EFCAB10: variants seen among roughly 807,000 people sequenced by gnomAD.
EFCAB10 encodes the protein EF-hand calcium-binding domain-containing protein 10.
Under a neutral mutation model 7.7 loss-of-function variants are expected in EFCAB10, and 7 were observed. The ratio of observed to expected loss-of-function variants is 0.91; its 90% CI spans 0.52 to 1.72. EFCAB10 has a LOEUF of 1.72. Ranked by LOEUF, EFCAB10 falls within the 40% of genes most tolerant of loss-of-function variation. The probability of loss-of-function intolerance (pLI) is 0.00; values close to 1 mark genes in which losing one functional copy is unlikely to be tolerated. For synonymous variants in EFCAB10, 52 were observed against 21.0 expected (o/e 2.47, Z -4.03); for missense variants, 112 against 61.5 (o/e 1.82, Z -2.74).
intron 1 of EFCAB10, chr7:105,571,032 A>T (rs1791937647): frequency 6.6e-6 from 1 of 152,152 alleles, no homozygotes; most frequent in Admixed American, 6.5e-5. Flanking sequence ...TTCAAAAAAA[A>T]AAAAATTTTT....
In EFCAB10 at chr7:105,581,464, C is replaced by A. The variant is rs1243303647; in HGVS notation, c.-1G>T. The A allele has an allele frequency of 5.7e-6, 4 of 702,972 alleles. No homozygotes were observed. Among genetic ancestry groups the A allele is most frequent in the Non-Finnish European group, 1.0e-5 (4 of 384,984 alleles). 43.5% of individuals were successfully genotyped at this position (702,972 alleles called of 1,614,324 possible). ...GGAGCTCCCTGCTGCTGGTCTCCAT[C>A]GCTCCGCGTCCCGCTGTTGCTAGGC... On this transcript the variant is annotated 5_prime_UTR_variant, in exon 1 of 5. Coordinates refer to ENST00000480514, the MANE Select transcript of EFCAB10 (RefSeq NM_001355526.2).
chr7:105,565,696 G>C (rs368788049), intron 4 of EFCAB10: 17 of 1,254,026 alleles, frequency 1.4e-5, no homozygotes, highest in Non-Finnish European at 1.7e-5. Flanking sequence ...AATTGTTACA[G>C]GAGGCTAACT....
chr7:105,565,505 T>C (rs762292576), intron 4 of EFCAB10, 58 bp from the exon 5 acceptor site: 12 of 1,610,778 alleles, frequency 7.4e-6, no homozygotes, highest in Non-Finnish European at 8.5e-6. Context: ...AAGACAACTG[T>C]TATATGAATT....
At chr7:105,568,488 T>C (rs1274796978) in intron 3 of EFCAB10, among the ~76,000 whole-genome samples, 3 of 152,256 alleles carry the variant, frequency 2.0e-5, no homozygotes, top group African/African-American at 7.2e-5. Flanking sequence ...ACATTTACTT[T>C]GTGATAATTT....
chr7:105,574,070 G>A (rs1385447563), intron 1 of EFCAB10, among the ~76,000 whole-genome samples: 1 of 151,270 alleles, frequency 6.6e-6, no homozygotes, highest in African/African-American at 2.4e-5. Context: ...ACTGGGAAAT[G>A]GCAGCATAGC....
intron 2 of EFCAB10, 33 bp from the exon 3 acceptor site, chr7:105,569,323 T>A (rs1791876753): frequency 1.4e-6 from 1 of 694,642 alleles, no homozygotes; most frequent in Admixed American, 2.1e-5. Flanking sequence ...GAAGTGAGAA[T>A]TTTACAAAGT....
At chr7:105,576,597 C>A (rs1295965995) in intron 1 of EFCAB10, among the ~76,000 whole-genome samples, 1 of 152,150 alleles carries the variant, frequency 6.6e-6, no homozygotes, top group Non-Finnish European at 1.5e-5. Context: ...TGCCTCCCAC[C>A]ATGCTTGGCT....
intron 1 of EFCAB10, among the ~76,000 whole-genome samples, chr7:105,577,092 A>G (rs1792100526): frequency 1.3e-5 from 2 of 152,160 alleles, no homozygotes; most frequent in African/African-American, 4.8e-5. Context: ...CAGTTTTAAA[A>G]AAACAGCTAC....
chr7:105,574,116 ATG>A (rs992878334), intron 1 of EFCAB10, among the ~76,000 whole-genome samples: 1 of 14,614 alleles, frequency 6.8e-5, no homozygotes, highest in African/African-American at 1.3e-4. Context: ...CACACACACA[ATG>A]TGTGTGTATA....
At chr7:105,577,516 T>C (rs1022749443) in intron 1 of EFCAB10, among the ~76,000 whole-genome samples, 2 of 152,144 alleles carry the variant, frequency 1.3e-5, no homozygotes, top group Non-Finnish European at 2.9e-5. Flanking sequence ...CTGGAATGAC[T>C]GTGCTGCTTT....
chr7:105,567,326 A>G (rs1389599776), intron 4 of EFCAB10, 141 bp downstream of exon 4: 1 of 1,557,634 alleles, frequency 6.4e-7, no homozygotes, highest in East Asian at 2.3e-5. Context: ...TTTCAGAAAA[A>G]GGTTTCTTTG....
intron 1 of EFCAB10, among the ~76,000 whole-genome samples, chr7:105,576,064 C>G (rs1408353413): frequency 6.6e-6 from 1 of 152,110 alleles, no homozygotes; most frequent in African/African-American, 2.4e-5. Context: ...CCAGGGGCTT[C>G]ACAAAGACAC....
At chr7:105,567,023 A>G in intron 4 of EFCAB10, 1 of 631,718 alleles carries the variant, frequency 1.6e-6, no homozygotes, top group East Asian at 2.9e-5. Flanking sequence ...CATGTGGACC[A>G]GCAGTGCAGA....
chr7:105,567,321 G>A, intron 4 of EFCAB10, 146 bp downstream of exon 4: 1 of 1,562,666 alleles, frequency 6.4e-7, no homozygotes, highest in East Asian at 2.3e-5. Flanking sequence ...ATGTCTTTCA[G>A]AAAAAGGTTT....
chr7:105,573,529 G>A (rs1197246747), intron 1 of EFCAB10: 1 of 152,268 alleles, frequency 6.6e-6, no homozygotes, highest in East Asian at 1.9e-4. Flanking sequence ...TTTTAAAAAT[G>A]TTTTGAAAAT....
At chr7:105,572,348 GT>G (rs1791972409) in intron 1 of EFCAB10, 1 of 152,208 alleles carries the variant, frequency 6.6e-6, no homozygotes. Context: ...GTTCATCCAT[GT>G]TGTTGCAAAT....
chr7:105,578,836 AATCTC>A (rs1429234373), intron 1 of EFCAB10, among the ~76,000 whole-genome samples: 2 of 152,174 alleles, frequency 1.3e-5, no homozygotes, highest in African/African-American at 4.8e-5. Context: ...GCAACAGTGA[AATCTC>A]AGCTCACTGT....
chr7:105,570,301 A>C (rs1227083957), intron 1 of EFCAB10, among the ~76,000 whole-genome samples: 1 of 141,558 alleles, frequency 7.1e-6, no homozygotes, highest in African/African-American at 2.6e-5. Context: ...ACACATACAC[A>C]CACACATATA....
At position 105,569,227 on chromosome 7, in the gene EFCAB10, G is replaced by A. The variant is rs982617740; in HGVS notation, c.335C>T (p.Thr112Ile). ...CACTTCCTCCTTGAATTTATCCAAA[G>A]TTATTTTATGTCCATCATCTTGTAA... ...EDLQDDGHKI[T>I]LDKFKEEVNK... The change falls in exon 3 of 5, where the codon ACT becomes ATT. Residue 112 changes from threonine to isoleucine, a missense_variant. By Grantham distance (89) the Thr-to-Ile change is moderately conservative (BLOSUM62 -1). Coordinates refer to ENST00000480514, the MANE Select transcript of EFCAB10 (RefSeq NM_001355526.2). 3 of 701,404 alleles carry A rather than the reference G, an allele frequency of 4.3e-6. No homozygotes were observed. The African/African-American group carries it at 5.2e-5, about 12-fold the overall frequency. 43.4% of individuals were successfully genotyped at this position (701,404 alleles called of 1,614,324 possible). A position where few individuals can be genotyped will look rare whatever the true frequency, so the allele number is the denominator to read the frequency against.
Sources: allele counts gnomAD v4.1 joint callset (sites outside exome capture counted in the v4.1 genomes callset), GRCh38; gene constraint gnomAD v4.1.1; transcripts MANE v1.5; gene names NCBI Gene and HGNC (gene_info 2026-07-23, HGNC 2026-07-21).